MYO1E: variants seen among roughly 807,000 people sequenced by gnomAD.
The protein encoded by MYO1E is unconventional myosin-Ie.
Under a neutral mutation model 151.1 loss-of-function variants are expected in MYO1E, and 68 were observed. That is an observed-to-expected ratio of 0.45 (90% CI 0.37 to 0.55). MYO1E has a LOEUF of 0.55. Among genes scored for constraint, MYO1E ranks in the 20% least tolerant of loss-of-function variants. MYO1E has a pLI of 0.00. For synonymous variants in MYO1E, 601 were observed against 501.7 expected (o/e 1.20, Z -2.64); for missense variants, 1,363 against 1,389.3 (o/e 0.98, Z 0.30).
intron 24 of MYO1E, among the ~76,000 whole-genome samples, chr15:59,160,355 G>A (rs2079531171): frequency 6.8e-6 from 1 of 148,080 alleles, no homozygotes; most frequent in African/African-American, 2.6e-5. Context: ...GTGTGTGTGT[G>A]TGTGTGTGTG....
At chr15:59,212,049 A>C (rs762414315) in intron 12 of MYO1E, among the ~76,000 whole-genome samples, 1 of 152,026 alleles carries the variant, frequency 6.6e-6, no homozygotes, top group Non-Finnish European at 1.5e-5. Context: ...CACTTACTGT[A>C]ACACCCAAAG....
chr15:59,319,107 T>C (rs1305718169), intron 1 of MYO1E, among the ~76,000 whole-genome samples: 2 of 152,214 alleles, frequency 1.3e-5, no homozygotes, highest in South Asian at 2.1e-4. Context: ...GGTCAGGAGT[T>C]TGAAACCAGC....
chr15:59,211,486 A>G (rs1432401867), intron 12 of MYO1E, among the ~76,000 whole-genome samples: 1 of 151,142 alleles, frequency 6.6e-6, no homozygotes, highest in East Asian at 1.9e-4. Flanking sequence ...ATGGCTTTAA[A>G]TACCACCTAC....
chr15:59,207,642 C>T, intron 14 of MYO1E: 1 of 1,614,150 alleles, frequency 6.2e-7, no homozygotes, highest in South Asian at 1.1e-5. Flanking sequence ...CTGAAAGCTG[C>T]CATGGATGGA....
chr15:59,243,931 C>T (rs1422572116), intron 4 of MYO1E, among the ~76,000 whole-genome samples: 2 of 151,786 alleles, frequency 1.3e-5, no homozygotes, highest in Non-Finnish European at 2.9e-5. Context: ...GGAACAGAAA[C>T]AAGTCGGAGG....
intron 6 of MYO1E, among the ~76,000 whole-genome samples, chr15:59,231,223 G>A (rs914912520): frequency 1.3e-5 from 2 of 152,194 alleles, no homozygotes; most frequent in African/African-American, 2.4e-5. Flanking sequence ...CAGGCAGCTC[G>A]CTCTGAGGGA....
intron 1 of MYO1E, among the ~76,000 whole-genome samples, chr15:59,300,092 C>T (rs1417782814): frequency 6.6e-6 from 1 of 152,048 alleles, no homozygotes; most frequent in East Asian, 1.9e-4. Flanking sequence ...AACTGTTCAC[C>T]ACAAACCAGT....
At chr15:59,248,262 T>A (rs1228215933) in intron 4 of MYO1E, among the ~76,000 whole-genome samples, 1 of 149,994 alleles carries the variant, frequency 6.7e-6, no homozygotes. Flanking sequence ...GGCAGGTGGA[T>A]CACTTGAGGT....
intron 17 of MYO1E, among the ~76,000 whole-genome samples, chr15:59,193,470 G>A (rs1378536430): frequency 1.3e-5 from 2 of 152,134 alleles, no homozygotes; most frequent in South Asian, 2.1e-4. Context: ...AGGAGAAGCG[G>A]AACTATACAT....
chr15:59,253,899 A>AC (rs2080179278), intron 4 of MYO1E, among the ~76,000 whole-genome samples: 1 of 84,200 alleles, frequency 1.2e-5, no homozygotes, highest in African/African-American at 5.0e-5. Context: ...AGGACAAACA[A>AC]CCTTTTTTTT....
At chr15:59,323,519 G>A (rs149289618) in intron 1 of MYO1E, among the ~76,000 whole-genome samples, 3,573 of 151,884 alleles carry the variant, frequency 0.024, 54 homozygotes, top group Non-Finnish European at 0.038. Flanking sequence ...AGCCAGGCAC[G>A]GTGGTGGGCG....
chr15:59,166,492 A>C (rs143587926), intron 22 of MYO1E, among the ~76,000 whole-genome samples: 2 of 151,600 alleles, frequency 1.3e-5, no homozygotes, highest in East Asian at 1.9e-4. Flanking sequence ...CTCTTCACCA[A>C]TATATCTTTT....
At chr15:59,320,164 TCA>T (rs1244174633) in intron 1 of MYO1E, among the ~76,000 whole-genome samples, 2 of 151,992 alleles carry the variant, frequency 1.3e-5, no homozygotes, top group Non-Finnish European at 2.9e-5. Flanking sequence ...TTGAAAGAAA[TCA>T]CAGATGACAC....
At chr15:59,307,633 G>A (rs766075072) in intron 1 of MYO1E, among the ~76,000 whole-genome samples, 28 of 151,842 alleles carry the variant, frequency 1.8e-4, no homozygotes, top group Non-Finnish European at 2.9e-4. Flanking sequence ...TTTTTAAGAC[G>A]GAGTTTCGCT....
intron 3 of MYO1E, among the ~76,000 whole-genome samples, chr15:59,260,454 T>C (rs1407183130): frequency 6.6e-6 from 1 of 152,234 alleles, no homozygotes; most frequent in African/African-American, 2.4e-5. Context: ...TTGTGTGGGC[T>C]CTCTTTTGTT....
intron 1 of MYO1E, among the ~76,000 whole-genome samples, chr15:59,288,298 A>G (rs1596401863): frequency 1.3e-5 from 2 of 151,998 alleles, no homozygotes; most frequent in African/African-American, 2.4e-5. Flanking sequence ...GCCTCGGCCT[A>G]CCGAGTAGCT....
chr15:59,217,971 G>C lies in MYO1E; in HGVS notation c.1027C>G (p.Leu343Val), dbSNP rs1216243506. 1.2e-6 allele frequency: 2 copies of C among 1,614,218 alleles called. No homozygotes were observed. The highest frequency in any genetic ancestry group is 1.3e-5 in the African/African-American group (1 of 75,058). ...GTGTAACAGGCCTGCTCTACGTTGA[G>C]GGTCACGTGGATGGATTCGGATTTG... ...GGKSESIHVT[L>V]NVEQACYTRD... The change falls in exon 10 of 28, where the codon CTC becomes GTC. Residue 343 changes from leucine to valine, a missense_variant. By Grantham distance (32) the Leu-to-Val change is conservative. Coordinates refer to ENST00000288235, the MANE Select transcript of MYO1E (RefSeq NM_004998.4).
chr15:59,214,847 T>C, intron 10 of MYO1E, 127 bp from the exon 11 acceptor site: 5 of 780,664 alleles, frequency 6.4e-6, no homozygotes, highest in South Asian at 2.8e-5. Flanking sequence ...AGAGGACAAG[T>C]GAAGGCAGGA....
intron 4 of MYO1E, among the ~76,000 whole-genome samples, chr15:59,249,827 G>T (rs766523826): frequency 2.0e-5 from 3 of 152,072 alleles, no homozygotes; most frequent in Non-Finnish European, 4.4e-5. Context: ...ATTCAACTCG[G>T]CCCCTAACAG....
Sources: gnomAD v4.1 joint callset for allele counts (sites outside exome capture counted in the v4.1 genomes callset) on GRCh38, gnomAD v4.1.1 for gene constraint, MANE v1.5 for transcripts, NCBI Gene and HGNC (gene_info 2026-07-23, HGNC 2026-07-21) for gene names.